The following RBFOX1 variants were observed in gnomAD, a reference collection of about 807,000 sequenced individuals.
RBFOX1 encodes the protein RNA binding protein fox-1 homolog 1.
In RBFOX1, 8 loss-of-function variants were observed where a neutral mutation model predicts 57.7. That is an observed-to-expected ratio of 0.14 (90% confidence interval 0.08 to 0.25). The LOEUF (loss-of-function observed/expected upper bound fraction) is 0.25, where lower values mean the gene tolerates loss of function less well. RBFOX1 is among the 10% of genes least tolerant of loss of function. The pLI is 1.00. For synonymous variants in RBFOX1, 326 were observed against 222.4 expected (o/e 1.47, Z -4.15); for missense variants, 611 against 548.5 (o/e 1.11, Z -1.14).
intron 4 of RBFOX1, among the ~76,000 whole-genome samples, chr16:7,210,754 G>T (rs536791514): frequency 2.0e-5 from 3 of 152,006 alleles, no homozygotes; most frequent in Admixed American, 6.6e-5. Flanking sequence ...GGTTCAGGGA[G>T]GTTAAATGAC....
chr16:7,264,111 G>T (rs1009710556), intron 4 of RBFOX1, among the ~76,000 whole-genome samples: 3 of 152,056 alleles, frequency 2.0e-5, no homozygotes, highest in African/African-American at 7.2e-5. Flanking sequence ...TAAACAAAAT[G>T]ACTACCCTCT....
At chr16:7,648,510 A>G (rs941534750) in intron 11 of RBFOX1, among the ~76,000 whole-genome samples, 1 of 152,220 alleles carries the variant, frequency 6.6e-6, no homozygotes, top group African/African-American at 2.4e-5. Context: ...GGTGTGAGAC[A>G]CTGTGCCTGA....
At chr16:5,301,002 C>T (rs1389404024) in intron 1 of RBFOX1, among the ~76,000 whole-genome samples, 1 of 152,182 alleles carries the variant, frequency 6.6e-6, no homozygotes, top group Non-Finnish European at 1.5e-5. Flanking sequence ...CTCAAAGTGG[C>T]TTCCAGTAGC....
rs117216179 is a variant in RBFOX1 at position 7,340,277 on chromosome 16, C to A, written c.28-177870C>A. Reference sequence around the variant, plus strand: ...CAGACATTCAAACCTGTGCTTTCTCCCCCATAACTTTGCACACACCATCCC... The same window carrying A: ...CAGACATTCAAACCTGTGCTTTCTCACCCATAACTTTGCACACACCATCCC... On this transcript the variant is annotated intron_variant, in intron 4 of 15. Coordinates refer to ENST00000550418, the MANE Select transcript of RBFOX1 (RefSeq NM_018723.4). 6.2e-4 allele frequency among the ~76,000 whole-genome samples: 95 copies of A among 152,302 alleles called. 1 individual carries two copies. In the East Asian group the frequency reaches 7.7e-3, roughly 12 times the overall value.
chr16:7,083,186 G>A (rs80263948), intron 4 of RBFOX1, among the ~76,000 whole-genome samples: 6,558 of 152,074 alleles, frequency 0.043, 175 homozygotes, highest in East Asian at 0.14. Context: ...CCCCCGAGGG[G>A]ACAGTCCACG....
At chr16:6,768,764 TTG>T (rs151101742) in intron 3 of RBFOX1, among the ~76,000 whole-genome samples, 9,094 of 150,974 alleles carry the variant, frequency 0.06, 373 homozygotes, top group East Asian at 0.12. Context: ...GAGACTTGCT[TTG>T]TCGCCAGGTT....
intron 1 of RBFOX1, among the ~76,000 whole-genome samples, chr16:5,299,662 A>G (rs2063756602): frequency 6.6e-6 from 1 of 152,206 alleles, no homozygotes; most frequent in Non-Finnish European, 1.5e-5. Flanking sequence ...ATCTAGAAAT[A>G]TTTGTAACTC....
At chr16:7,080,577 C>G (rs1333604783) in intron 4 of RBFOX1, among the ~76,000 whole-genome samples, 2 of 152,170 alleles carry the variant, frequency 1.3e-5, no homozygotes, top group African/African-American at 4.8e-5. Flanking sequence ...AGAGATTCCT[C>G]AGCAATTTGC....
At chr16:5,425,070 TATCTATC>T (rs2067509455) in intron 1 of RBFOX1, among the ~76,000 whole-genome samples, 2 of 63,460 alleles carry the variant, frequency 3.2e-5, no homozygotes, top group African/African-American at 1.6e-4. Context: ...CTTTCTTATC[TATCTATC>T]TATCTATCTA....
At chr16:6,568,821 T>G (rs1304427616) in intron 2 of RBFOX1, among the ~76,000 whole-genome samples, 1 of 152,122 alleles carries the variant, frequency 6.6e-6, no homozygotes, top group East Asian at 1.9e-4. Flanking sequence ...CAGGCTGGAG[T>G]GCAGTGGCGC....
intron 2 of RBFOX1, among the ~76,000 whole-genome samples, chr16:6,549,505 GGAA>G (rs2096951847): frequency 1.9e-5 from 2 of 104,322 alleles, no homozygotes; most frequent in Admixed American, 8.8e-5. Flanking sequence ...GAGGAGGAGG[GGAA>G]GAGGAGGAGG....
In RBFOX1 at chr16:5,339,467, C is replaced by T. The variant is rs941339944; in HGVS notation, c.219+99362C>T. On this transcript the variant is annotated intron_variant, in intron 1 of 2. Coordinates refer to the RBFOX1 transcript ENST00000585867. ...GCCAAAAGCTAGAAGCTGCTTTTTC[C>T]GTGTTTTTTTTTTTTTTTTTTTTTT... Among the ~76,000 whole-genome samples, 77 of 38,834 alleles carry T rather than the reference C, an allele frequency of 2.0e-3. 1 individual carries two copies. In the Middle Eastern group the frequency reaches 0.071, roughly 36 times the overall value. The allele number at this position is 38,834 out of a possible 152,430, so 25.5% of individuals were successfully genotyped here.
At chr16:6,463,739 T>C (rs1309022067) in intron 2 of RBFOX1, among the ~76,000 whole-genome samples, 3 of 152,188 alleles carry the variant, frequency 2.0e-5, no homozygotes, top group African/African-American at 7.2e-5. Flanking sequence ...AGAAAGATGC[T>C]TACTAACCGC....
chr16:5,274,428 C>G (rs1197406351), intron 1 of RBFOX1, among the ~76,000 whole-genome samples: 2 of 152,158 alleles, frequency 1.3e-5, no homozygotes, highest in Non-Finnish European at 2.9e-5. Context: ...ACTCTGGAGG[C>G]TGAAGCATGA....
At chr16:7,314,161 G>C (rs1021059337) in intron 4 of RBFOX1, among the ~76,000 whole-genome samples, 2 of 152,162 alleles carry the variant, frequency 1.3e-5, no homozygotes, top group African/African-American at 2.4e-5. Context: ...TCAGCACTGA[G>C]AATGATGGAG....
intron 2 of RBFOX1, among the ~76,000 whole-genome samples, chr16:6,440,880 A>G (rs865805422): frequency 6.6e-6 from 1 of 152,026 alleles, no homozygotes; most frequent in Non-Finnish European, 1.5e-5. Context: ...GCAACAGTGA[A>G]CAGTATGGAT....
At chr16:6,833,237 C>T (rs950495039) in intron 3 of RBFOX1, among the ~76,000 whole-genome samples, 2 of 151,900 alleles carry the variant, frequency 1.3e-5, no homozygotes, top group Non-Finnish European at 2.9e-5. Flanking sequence ...AAAATCTCGG[C>T]TCATTACAAC....
At chr16:7,038,111 G>C (rs957135713) in intron 3 of RBFOX1, among the ~76,000 whole-genome samples, 3 of 152,130 alleles carry the variant, frequency 2.0e-5, no homozygotes, top group Non-Finnish European at 4.4e-5. Context: ...TCCCACCTCT[G>C]GATGTAGAGA....
chr16:5,656,318 A>G (rs564053982), intron 3 of RBFOX1, among the ~76,000 whole-genome samples: 28 of 152,220 alleles, frequency 1.8e-4, no homozygotes, highest in Non-Finnish European at 3.2e-4. Context: ...AGAGGCGAGC[A>G]TATCATTAAA....
Sources: gnomAD v4.1 joint callset for allele counts (sites outside exome capture counted in the v4.1 genomes callset) on GRCh38, gnomAD v4.1.1 for gene constraint, MANE v1.5 for transcripts, NCBI Gene and HGNC (gene_info 2026-07-23, HGNC 2026-07-21) for gene names.